The following CENPW variants were observed in gnomAD, a reference collection of about 807,000 sequenced individuals.
The protein encoded by CENPW is centromere protein W, also known as cancer-up-regulated gene 2 protein.
Under a neutral mutation model 11.1 loss-of-function variants are expected in CENPW, and 3 were observed. The ratio of observed to expected loss-of-function variants is 0.27; its 90% CI spans 0.12 to 0.70. The LOEUF is 0.70. CENPW is among the 30% of genes least tolerant of loss of function. CENPW has a pLI of 0.77. For synonymous variants in CENPW, 38 were observed against 42.0 expected, an observed-to-expected ratio of 0.91 and a Z score of 0.37; for missense variants, 100 against 105.6, an observed-to-expected ratio of 0.95 and a Z score of 0.23.
chr6:126,428,825 T>C, the CENPW span, among the ~76,000 whole-genome samples: 22 of 152,216 alleles, frequency 1.4e-4, no homozygotes, highest in African/African-American at 4.8e-4. Flanking sequence ...TGACATAAAA[T>C]CATATGTGCT....
chr6:126,362,292 G>C, the CENPW span, among the ~76,000 whole-genome samples: 1 of 152,146 alleles, frequency 6.6e-6, no homozygotes, highest in Admixed American at 6.5e-5. Flanking sequence ...TGCCAGTTGA[G>C]GCCCTGTCTG....
chr6:126,413,616 T>C, the CENPW span, among the ~76,000 whole-genome samples: 2 of 151,880 alleles, frequency 1.3e-5, no homozygotes, highest in Admixed American at 1.3e-4. Flanking sequence ...AAAAATATGA[T>C]AATTACTATC....
At chr6:126,471,136 C>A in the CENPW span, among the ~76,000 whole-genome samples, 73 of 152,186 alleles carry the variant, frequency 4.8e-4, no homozygotes, top group Non-Finnish European at 8.4e-4. Context: ...GGCTTTGTGT[C>A]CCTACCCAAA....
chr6:126,466,401 G>A, the CENPW span, among the ~76,000 whole-genome samples: 14 of 152,008 alleles, frequency 9.2e-5, no homozygotes, highest in African/African-American at 2.9e-4. Context: ...TTCTGATACC[G>A]CTCTATATGT....
At chr6:126,384,148 A>T in the CENPW span, among the ~76,000 whole-genome samples, 2 of 152,164 alleles carry the variant, frequency 1.3e-5, no homozygotes, top group African/African-American at 4.8e-5. Context: ...CTCCTGAGTG[A>T]CTTTCAAGTT....
chr6:126,394,989 G>A, the CENPW span, among the ~76,000 whole-genome samples: 1 of 151,938 alleles, frequency 6.6e-6, no homozygotes, highest in East Asian at 1.9e-4. Context: ...TCCTTTGGGA[G>A]TTTGATTATT....
the CENPW span, among the ~76,000 whole-genome samples, chr6:126,465,299 C>T: frequency 2.0e-5 from 3 of 152,008 alleles, no homozygotes; most frequent in South Asian, 6.2e-4. Context: ...ATATAAAGTA[C>T]CTGAGTATAA....
the CENPW span, among the ~76,000 whole-genome samples, chr6:126,442,437 A>T: frequency 6.6e-6 from 1 of 151,512 alleles, no homozygotes; most frequent in African/African-American, 2.4e-5. Context: ...GACAACTCAC[A>T]GAGTGGGAGA....
the CENPW span, among the ~76,000 whole-genome samples, chr6:126,435,760 G>A: frequency 6.6e-6 from 1 of 151,954 alleles, no homozygotes; most frequent in East Asian, 1.9e-4. Context: ...AGAGGCATCT[G>A]AAAACCTTTG....
chr6:126,453,291 A>T, the CENPW span, among the ~76,000 whole-genome samples: 49 of 151,310 alleles, frequency 3.2e-4, no homozygotes, highest in African/African-American at 9.2e-4. Context: ...GAAGGAAAAA[A>T]TGTTAAAGGC....
At chr6:126,461,415 A>G in the CENPW span, among the ~76,000 whole-genome samples, 5 of 151,868 alleles carry the variant, frequency 3.3e-5, no homozygotes, top group Non-Finnish European at 7.4e-5. Context: ...AGTTATTTCA[A>G]AGAAAATGTG....
chr6:126,450,681 A>T, the CENPW span, among the ~76,000 whole-genome samples: 1 of 150,988 alleles, frequency 6.6e-6, no homozygotes, highest in Admixed American at 6.6e-5. Flanking sequence ...CTGTAAAGGC[A>T]TGAATTTTCC....
the CENPW span, among the ~76,000 whole-genome samples, chr6:126,450,570 T>G: frequency 6.6e-6 from 1 of 151,048 alleles, no homozygotes; most frequent in Non-Finnish European, 1.5e-5. Flanking sequence ...GACTTATTAA[T>G]TTTTTAGATA....
the CENPW span, among the ~76,000 whole-genome samples, chr6:126,378,484 A>T: frequency 1.1e-4 from 17 of 151,628 alleles, no homozygotes; most frequent in East Asian, 3.1e-3. Flanking sequence ...TTTTTTAACT[A>T]ATATTAACTT....
chr6:126,429,796 G>A, the CENPW span, among the ~76,000 whole-genome samples: 2 of 152,140 alleles, frequency 1.3e-5, no homozygotes, highest in Admixed American at 6.6e-5. Context: ...TTATGTTTCA[G>A]ACAATTTCTA....
the CENPW span, among the ~76,000 whole-genome samples, chr6:126,383,527 C>A: frequency 2.6e-5 from 4 of 151,998 alleles, no homozygotes; most frequent in African/African-American, 9.7e-5. Flanking sequence ...CTTTAAGAGA[C>A]CCATCTCACA....
At chr6:126,449,107 C>A in the CENPW span, among the ~76,000 whole-genome samples, 2 of 150,946 alleles carry the variant, frequency 1.3e-5, no homozygotes, top group Non-Finnish European at 3.0e-5. Flanking sequence ...TGTAAAAAAA[C>A]AAACCTTCTT....
At chr6:126,349,680 CCA>C (rs1159848737), downstream of CENPW, among the ~76,000 whole-genome samples, 8 of 152,028 alleles carry the variant, frequency 5.3e-5, 1 homozygote, top group Admixed American at 5.2e-4. Context: ...TATGGAATTA[CCA>C]CAGTTTGTAT....
At chr6:126,431,716 C>T in the CENPW span, among the ~76,000 whole-genome samples, 1 of 152,058 alleles carries the variant, frequency 6.6e-6, no homozygotes, top group Non-Finnish European at 1.5e-5. Context: ...ATGCAACCCA[C>T]GTTGTTTCAT....
Sources: gnomAD v4.1 joint callset for allele counts (sites outside exome capture counted in the v4.1 genomes callset) on GRCh38, gnomAD v4.1.1 for gene constraint, MANE v1.5 for transcripts, NCBI Gene and HGNC (gene_info 2026-07-23, HGNC 2026-07-21) for gene names.